IQGAP1: variants seen among roughly 807,000 people sequenced by gnomAD.
The protein encoded by IQGAP1 is ras GTPase-activating-like protein IQGAP1.
In IQGAP1, 66 loss-of-function variants were observed where a neutral mutation model predicts 215.6. That is an observed-to-expected ratio of 0.31 (90% CI 0.25 to 0.38). The LOEUF (loss-of-function observed/expected upper bound fraction) is 0.38, where lower values mean the gene tolerates loss of function less well. Ranked by LOEUF, IQGAP1 falls within the 10% of genes least tolerant of loss-of-function variation. The pLI, the probability that IQGAP1 is intolerant of heterozygous loss-of-function variation, is 1.00. For missense variants in IQGAP1, 1,712 were observed against 1,997.1 expected, an observed-to-expected ratio of 0.86 and a Z score of 2.72; for synonymous variants, 772 against 728.7, an observed-to-expected ratio of 1.06 and a Z score of -0.96.
Position 90,482,244 on chromosome 15 carries a change from A to G in IQGAP1, c.3518A>G (p.Glu1173Gly). The G allele has an allele frequency of 6.2e-7, 1 of 1,614,194 alleles. No homozygotes were observed. Among genetic ancestry groups the G allele is most frequent in the Non-Finnish European group, 8.5e-7 (1 of 1,180,024 alleles). The change falls in exon 28 of 38, where the codon GAG becomes GGG. Residue 1173 changes from glutamate to glycine, a missense_variant. Coordinates refer to ENST00000268182, the MANE Select transcript of IQGAP1 (RefSeq NM_003870.4). ...IAKVLKDSLH[E>G]KFPDAGEDEL... ...AAAGTGCTGAAGGACTCGTTGCATG[A>G]GAAGTTCCCTGATGCTGGTGAGGAT...
chr15:90,494,424 G>A, intron 35 of IQGAP1: 1 of 199,904 alleles, frequency 5.0e-6, no homozygotes, highest in South Asian at 9.9e-5. Flanking sequence ...TACTTGTTAG[G>A]TACTTAAGTT....
rs1965452114 is a variant in IQGAP1 at position 90,441,632 on chromosome 15, A to G, written c.776A>G (p.Gln259Arg). ...NLEEPLASTY[Q>R]DILYQAKQDK... The stretch of plus-strand genomic sequence containing the variant: ...GAAGAGCCCTTGGCATCCACTTACC[A>G]GGATATACTTTACCAGGCTAAGCAG... Residue 259 changes from glutamine to arginine, a missense_variant, in exon 8 of 38, where the codon CAG (glutamine) becomes CGG (arginine). By Grantham distance (43) the Gln-to-Arg change is conservative (BLOSUM62 1). Around this residue, in one of 2 missense-constraint regions of IQGAP1, gnomAD observed 1,021 missense variants for 1,074.2 expected, o/e 0.95. Coordinates refer to ENST00000268182, the MANE Select transcript of IQGAP1 (RefSeq NM_003870.4). The G allele has an allele frequency of 6.2e-7, 1 of 1,613,398 alleles. No homozygotes were observed.
At chr15:90,420,004 TA>T (rs1965110766) in intron 2 of IQGAP1, among the ~76,000 whole-genome samples, 1 of 152,226 alleles carries the variant, frequency 6.6e-6, no homozygotes, top group Admixed American at 6.5e-5. Context: ...ATTTTATATG[TA>T]CTATCATCTC....
intron 3 of IQGAP1, among the ~76,000 whole-genome samples, chr15:90,428,390 T>C (rs1965256195): frequency 6.6e-6 from 1 of 152,138 alleles, no homozygotes; most frequent in Non-Finnish European, 1.5e-5. Context: ...TGCTCAGTTT[T>C]GAATACACAG....
chr15:90,438,666 T>C (rs560516455), intron 5 of IQGAP1, among the ~76,000 whole-genome samples: 4 of 152,292 alleles, frequency 2.6e-5, no homozygotes, highest in Non-Finnish European at 4.4e-5. Flanking sequence ...TTAAAACTTA[T>C]TGATTACAGG....
intron 3 of IQGAP1, among the ~76,000 whole-genome samples, chr15:90,427,804 T>A (rs2256110): frequency 6.6e-6 from 1 of 151,844 alleles, no homozygotes; most frequent in Admixed American, 6.6e-5. Context: ...TACCTGTGAA[T>A]CCTTATTTGA....
intron 35 of IQGAP1, among the ~76,000 whole-genome samples, chr15:90,493,860 G>A (rs1176389152): frequency 6.6e-6 from 1 of 152,174 alleles, no homozygotes; most frequent in Non-Finnish European, 1.5e-5. Context: ...TCAACCTGTA[G>A]TTTCCCCTCC....
intron 17 of IQGAP1, 96 bp downstream of exon 17, chr15:90,466,532 C>CT: frequency 1.7e-6 from 2 of 1,202,422 alleles, no homozygotes; most frequent in Non-Finnish European, 2.4e-6. Flanking sequence ...AGGGAAAGAC[C>CT]TTTTAGCATA....
At chr15:90,493,644 A>C (rs982402748) in intron 35 of IQGAP1, among the ~76,000 whole-genome samples, 2 of 152,320 alleles carry the variant, frequency 1.3e-5, no homozygotes, top group African/African-American at 4.8e-5. Context: ...ATATTTTGCC[A>C]TATCTGCTTC....
chr15:90,449,103 C>T (rs1965565337), intron 10 of IQGAP1, among the ~76,000 whole-genome samples: 1 of 151,418 alleles, frequency 6.6e-6, no homozygotes, highest in Non-Finnish European at 1.5e-5. Flanking sequence ...TTAGTTTGCT[C>T]TGGCCAAAGC....
chr15:90,441,681 C>T lies in IQGAP1; in HGVS notation c.825C>T (p.Asn275=), dbSNP rs1965453013. ...AKQDKMTNAK[N]RTENSERERD... ...AGGACAAAATGACAAATGCTAAAAA[C>T]AGGGTAAAAATGCAACATCTATTCT... The change falls in exon 8 of 38, where the codon AAC becomes AAT. Residue 275 remains asparagine, a synonymous_variant. Coordinates refer to ENST00000268182, the MANE Select transcript of IQGAP1 (RefSeq NM_003870.4). The T allele has an allele frequency of 1.3e-6, 2 of 1,598,150 alleles. No individual in the cohort carries two copies. Among genetic ancestry groups the T allele is most frequent in the Non-Finnish European group, 1.7e-6 (2 of 1,170,980 alleles).
intron 2 of IQGAP1, among the ~76,000 whole-genome samples, chr15:90,412,831 T>C (rs1473408739): frequency 6.6e-6 from 1 of 152,146 alleles, no homozygotes; most frequent in Non-Finnish European, 1.5e-5. Flanking sequence ...GAGGAGCTGT[T>C]CCTGGAGGAA....
At chr15:90,457,913 G>GT (rs1398595699) in intron 15 of IQGAP1, among the ~76,000 whole-genome samples, 2 of 152,174 alleles carry the variant, frequency 1.3e-5, no homozygotes, top group Non-Finnish European at 2.9e-5. Flanking sequence ...CGTAATTCAC[G>GT]TATCAGGTAA....
chr15:90,441,799 C>T (rs1451192160), intron 8 of IQGAP1, 115 bp downstream of exon 8: 3 of 738,292 alleles, frequency 4.1e-6, no homozygotes, highest in African/African-American at 1.8e-5. Context: ...CAAAATTCAC[C>T]GGATTTTAAA....
chr15:90,462,515 G>A (rs933080961), intron 15 of IQGAP1, among the ~76,000 whole-genome samples: 3 of 152,136 alleles, frequency 2.0e-5, no homozygotes, highest in African/African-American at 7.2e-5. Flanking sequence ...TGTGTATGTG[G>A]TATATATGTG....
At chr15:90,397,018 A>G (rs1964731579) in intron 2 of IQGAP1, among the ~76,000 whole-genome samples, 1 of 151,980 alleles carries the variant, frequency 6.6e-6, no homozygotes, top group South Asian at 2.1e-4. Flanking sequence ...ATGCCTGGCT[A>G]ATTTTTGTAT....
chr15:90,496,322 T>C (rs1966273433), intron 36 of IQGAP1, among the ~76,000 whole-genome samples: 1 of 139,754 alleles, frequency 7.2e-6, no homozygotes, highest in African/African-American at 2.8e-5. Flanking sequence ...TTTTTTTTTT[T>C]TTTTTTTTTT....
chr15:90,461,299 CAAAA>C (rs59043425), intron 15 of IQGAP1, among the ~76,000 whole-genome samples: 27,340 of 151,800 alleles, frequency 0.18, 2,546 homozygotes, highest in South Asian at 0.22. Context: ...AACTCCGTCT[CAAAA>C]AAAGAAAAAC....
chr15:90,433,122 G>A (rs1965325368), intron 4 of IQGAP1, among the ~76,000 whole-genome samples: 1 of 152,132 alleles, frequency 6.6e-6, no homozygotes, highest in Non-Finnish European at 1.5e-5. Flanking sequence ...GTGCTACCGT[G>A]GAAAAGTACT....
Sources: allele counts gnomAD v4.1 joint callset (sites outside exome capture counted in the v4.1 genomes callset), GRCh38; gene constraint gnomAD v4.1.1; regional missense constraint gnomAD v4.1.1; transcripts MANE v1.5; gene names NCBI Gene and HGNC (gene_info 2026-07-23, HGNC 2026-07-21).